Variants in MEIG1 observed in about 807,000 individuals in gnomAD.
The protein encoded by MEIG1 is meiosis/spermiogenesis associated 1.
Under a neutral mutation model 11.3 loss-of-function variants are expected in MEIG1, and 12 were observed. That is an observed-to-expected ratio of 1.07 (90% CI 0.68 to 1.73). The LOEUF (loss-of-function observed/expected upper bound fraction) is 1.73, where lower values mean the gene tolerates loss of function less well. Among genes scored for constraint, MEIG1 ranks in the 40% most tolerant of loss-of-function variants. MEIG1 has a pLI of 0.00. For synonymous variants in MEIG1, 41 were observed against 33.2 expected, an observed-to-expected ratio of 1.24 and a Z score of -0.81; for missense variants, 119 against 104.9, an observed-to-expected ratio of 1.13 and a Z score of -0.59.
At chr10:14,963,346 C>T (rs1445479947) in intron 1 of MEIG1, among the ~76,000 whole-genome samples, 2 of 152,204 alleles carry the variant, frequency 1.3e-5, no homozygotes, top group Non-Finnish European at 2.9e-5. Context: ...CCACCCACCT[C>T]GGCCTCCCAA....
chr10:14,980,394 G>A (rs1700071164), intron 1 of MEIG1, among the ~76,000 whole-genome samples: 1 of 152,074 alleles, frequency 6.6e-6, no homozygotes, highest in African/African-American at 2.4e-5. Context: ...CGTTTCCAGG[G>A]ATGTTACTCC....
upstream of MEIG1, among the ~76,000 whole-genome samples, chr10:14,955,179 G>T (rs1842910769): frequency 6.6e-6 from 1 of 152,148 alleles, no homozygotes; most frequent in Admixed American, 6.5e-5. Flanking sequence ...CGATCCGCTC[G>T]CCTCGGCCTC....
At chr10:14,985,443 T>C (rs934987088) in intron 1 of MEIG1, among the ~76,000 whole-genome samples, 1 of 152,052 alleles carries the variant, frequency 6.6e-6, no homozygotes, top group Non-Finnish European at 1.5e-5. Context: ...CCTAATGTCA[T>C]ATGGGATGTA....
chr10:14,984,143 G>T (rs1843293466), intron 1 of MEIG1, among the ~76,000 whole-genome samples: 1 of 151,980 alleles, frequency 6.6e-6, no homozygotes, highest in African/African-American at 2.4e-5. Context: ...AACACGCTGT[G>T]TGACCACGGT....
intron 1 of MEIG1, among the ~76,000 whole-genome samples, chr10:14,981,429 G>T (rs148635055): frequency 3.9e-5 from 6 of 152,150 alleles, no homozygotes; most frequent in Admixed American, 3.9e-4. Flanking sequence ...ACTGATGAAT[G>T]ACTTGATGTC....
chr10:14,986,194 G>A (rs1030387515), intron 1 of MEIG1, among the ~76,000 whole-genome samples: 1 of 152,080 alleles, frequency 6.6e-6, no homozygotes, highest in Non-Finnish European at 1.5e-5. Context: ...GCGTGCTGGC[G>A]CATGCCTGTA....
At chr10:14,961,481 A>AT (rs1246685288) in intron 1 of MEIG1, among the ~76,000 whole-genome samples, 1 of 151,688 alleles carries the variant, frequency 6.6e-6, no homozygotes, top group Non-Finnish European at 1.5e-5. Context: ...AAATTTATTT[A>AT]TTTTTTTGAG....
At chr10:14,985,913 G>A (rs1156856782) in intron 1 of MEIG1, among the ~76,000 whole-genome samples, 1 of 152,048 alleles carries the variant, frequency 6.6e-6, no homozygotes, top group African/African-American at 2.4e-5. Flanking sequence ...CCCCGGGTGT[G>A]TACACCCTTG....
chr10:14,964,262 CT>C (rs1045930626), intron 1 of MEIG1, among the ~76,000 whole-genome samples: 10 of 152,054 alleles, frequency 6.6e-5, no homozygotes, highest in Admixed American at 2.6e-4. Context: ...TCTTCATTAT[CT>C]TTTTTTACCA....
chr10:14,973,451 G>A (rs12775177), downstream of MEIG1, among the ~76,000 whole-genome samples: 100,388 of 151,206 alleles, frequency 0.66, 33,498 homozygotes, highest in Admixed American at 0.69. Flanking sequence ...TCCTCCACTA[G>A]TGACTGCTGG....
intron 1 of MEIG1, among the ~76,000 whole-genome samples, chr10:14,984,129 C>G (rs897367596): frequency 6.6e-6 from 1 of 151,908 alleles, no homozygotes; most frequent in African/African-American, 2.4e-5. Flanking sequence ...TTGACAATAC[C>G]GTCAACACGC....
chr10:14,987,412 T>C, intron 2 of MEIG1: 1 of 735,656 alleles, frequency 1.4e-6, no homozygotes, highest in South Asian at 1.4e-5. Context: ...GGAGGAGGAA[T>C]TCTCAGACAC....
chr10:14,975,215 A>T (rs894489091), downstream of MEIG1, among the ~76,000 whole-genome samples: 2 of 152,072 alleles, frequency 1.3e-5, no homozygotes, highest in African/African-American at 4.8e-5. Context: ...ATTGTTCCTA[A>T]TATCCGGAGG....
At chr10:14,981,506 T>C (rs1002126225) in intron 1 of MEIG1, among the ~76,000 whole-genome samples, 11 of 152,246 alleles carry the variant, frequency 7.2e-5, no homozygotes, top group Non-Finnish European at 1.2e-4. Flanking sequence ...GCTCCGGTGA[T>C]GTCAAGAGTC....
upstream of MEIG1, among the ~76,000 whole-genome samples, chr10:14,955,843 A>G (rs1010918296): frequency 6.6e-6 from 1 of 152,218 alleles, no homozygotes; most frequent in African/African-American, 2.4e-5. Context: ...TATACACAAC[A>G]TAATCACTAA....
intron 1 of MEIG1, among the ~76,000 whole-genome samples, chr10:14,981,475 T>C (rs1467889033): frequency 6.6e-6 from 1 of 152,170 alleles, no homozygotes; most frequent in Non-Finnish European, 1.5e-5. Context: ...GCAGAAAGCT[T>C]GCTTTGCGGA....
At chr10:14,957,436 C>T (rs532458305), upstream of MEIG1, among the ~76,000 whole-genome samples, 6 of 152,248 alleles carry the variant, frequency 3.9e-5, no homozygotes, top group East Asian at 1.2e-3. Flanking sequence ...CCCTTTAGCA[C>T]CTACTGTGTG....
chr10:14,958,445 T>C (rs1341717713), upstream of MEIG1, among the ~76,000 whole-genome samples: 3 of 152,360 alleles, frequency 2.0e-5, no homozygotes, highest in East Asian at 5.8e-4. Context: ...GTCATCTTCA[T>C]TGACTCCAGC....
chr10:14,972,859 C>A (rs182980511), downstream of MEIG1: 784 of 383,168 alleles, frequency 2.0e-3, 3 homozygotes, highest in African/African-American at 0.016. Flanking sequence ...TGGTCCTGCT[C>A]TTTTTGTCCA....
Sources: gnomAD v4.1 joint callset for allele counts (sites outside exome capture counted in the v4.1 genomes callset) on GRCh38, gnomAD v4.1.1 for gene constraint, MANE v1.5 for transcripts, NCBI Gene and HGNC (gene_info 2026-07-23, HGNC 2026-07-21) for gene names.